Variants in ABI1 observed in about 807,000 individuals in gnomAD.
ABI1 encodes the protein Abelson interactor 1.
Under a neutral mutation model 54.6 loss-of-function variants are expected in ABI1, and 14 were observed. That is an observed-to-expected ratio of 0.26 (90% CI 0.17 to 0.40). The LOEUF is 0.40. ABI1 is among the 10% of genes least tolerant of loss of function. The probability of loss-of-function intolerance (pLI) is 1.00; values close to 1 mark genes in which losing one functional copy is unlikely to be tolerated. For synonymous variants in ABI1, 194 were observed against 209.3 expected (o/e 0.93, Z 0.63); for missense variants, 443 against 598.3 (o/e 0.74, Z 2.71).
At chr10:26,788,994 T>C (rs1441222547) in intron 2 of ABI1, 2 of 151,138 alleles carry the variant, frequency 1.3e-5, no homozygotes, top group South Asian at 4.2e-4. Flanking sequence ...TAAAATTCAT[T>C]TGAGAAAAAA....
At chr10:26,814,836 T>G (rs1390532854) in intron 2 of ABI1, among the ~76,000 whole-genome samples, 1 of 152,148 alleles carries the variant, frequency 6.6e-6, no homozygotes, top group East Asian at 1.9e-4. Context: ...AAAGGGACTC[T>G]TTCCTGAAAT....
chr10:26,776,972 A>C lies in ABI1; in HGVS notation c.462+93T>G. The C allele has an allele frequency of 2.7e-6, 3 of 1,115,556 alleles. 1 individual carries two copies. The highest frequency in any genetic ancestry group is 3.8e-6 in the Non-Finnish European group (3 of 795,394). 69.1% of individuals were successfully genotyped at this position (1,115,556 alleles called of 1,614,324 possible). A position where few individuals can be genotyped will look rare whatever the true frequency, so the allele number is the denominator to read the frequency against. ...AATTATAATGCCAGCTGCTAAAGAG[A>C]ATCTATTAAAATCATCTTTATGACA... is the stretch of plus-strand genomic sequence containing the variant. On this transcript the variant is annotated intron_variant, in intron 3 of 10. Coordinates refer to ENST00000376140, the MANE Select transcript of ABI1 (RefSeq NM_001012750.3).
chr10:26,791,980 T>A lies in ABI1; in HGVS notation c.286-14739A>T, dbSNP rs1425658224. 5.3e-5 allele frequency among the ~76,000 whole-genome samples: 8 copies of A among 152,278 alleles called. No homozygotes were observed. The East Asian group carries it at 1.5e-3, about 29-fold the overall frequency. On this transcript the variant is annotated intron_variant, in intron 2 of 10. Coordinates refer to ENST00000376140, the MANE Select transcript of ABI1 (RefSeq NM_001012750.3). ...TACGGATAAATCTTAGAAATTATAA[T>A]GCTGAATAAAAAAAGCAAGCCATGC...
chr10:26,811,501 T>C (rs1043381957), intron 2 of ABI1, among the ~76,000 whole-genome samples: 1 of 152,158 alleles, frequency 6.6e-6, no homozygotes, highest in South Asian at 2.1e-4. Flanking sequence ...TTACTATTGG[T>C]CCTCAATATT....
chr10:26,759,493 A>G (rs376257969), intron 7 of ABI1, among the ~76,000 whole-genome samples: 49 of 152,324 alleles, frequency 3.2e-4, no homozygotes, highest in African/African-American at 1.2e-3. Flanking sequence ...TTTAAAAACC[A>G]TAATCCCAAA....
intron 2 of ABI1, among the ~76,000 whole-genome samples, chr10:26,800,133 C>T (rs538256896): frequency 5.3e-5 from 8 of 152,206 alleles, no homozygotes; most frequent in Admixed American, 3.9e-4. Flanking sequence ...CCTGTAATCC[C>T]AACACTTTGG....
chr10:26,860,940 C>T lies in ABI1; in HGVS notation c.-77G>A. ...AGGTCCGCCGAGGCTCCGAGCACCT[C>T]ACAGCCCGGATACAAACCGCCTACC... is the stretch of plus-strand genomic sequence containing the variant. On this transcript the variant is annotated 5_prime_UTR_variant, in exon 1 of 11. Transcript: ENST00000376140. The surrounding 1 kb of genome is among the most constrained non-coding windows in gnomAD (Gnocchi z 4.1). 7.4e-7 allele frequency: 1 copy of T among 1,354,174 alleles called. No individual in the cohort carries two copies. The highest frequency in any genetic ancestry group is 1.1e-6 in the Non-Finnish European group (1 of 950,492). 83.9% of individuals were successfully genotyped at this position (1,354,174 alleles called of 1,614,324 possible).
intron 2 of ABI1, among the ~76,000 whole-genome samples, chr10:26,793,732 G>T (rs1328198152): frequency 6.6e-6 from 1 of 152,150 alleles, no homozygotes. Flanking sequence ...CTAAATATGA[G>T]CTTTTAATAG....
rs1294299719 is a variant in ABI1, at chr10:26,748,545, A to T, written c.*25T>A. 1 of 1,554,512 alleles carries T rather than the reference A, an allele frequency of 6.4e-7. No homozygotes were observed. Among genetic ancestry groups the T allele is most frequent in the Non-Finnish European group, 8.8e-7 (1 of 1,141,264 alleles). ...CCCACAGTATGACTGAGTAATAAGA[A>T]TCTACTTCAAAAGAAAAAAAAAAAT... On this transcript the variant is annotated 3_prime_UTR_variant, in exon 11 of 11. Coordinates refer to ENST00000376140, the MANE Select transcript of ABI1 (RefSeq NM_001012750.3).
intron 9 of ABI1, 124 bp downstream of exon 9, chr10:26,755,531 G>T (rs12220461): frequency 0.074 from 53,213 of 722,598 alleles, 2,265 homozygotes; most frequent in Middle Eastern, 0.13. Context: ...TCAGTAACAT[G>T]TCTGCACCTA....
At chr10:26,827,564 T>A (rs2048380925) in intron 1 of ABI1, among the ~76,000 whole-genome samples, 1 of 149,562 alleles carries the variant, frequency 6.7e-6, no homozygotes, top group Non-Finnish European at 1.5e-5. Flanking sequence ...TTTCTCCCTA[T>A]CAGCAATAAG....
chr10:26,816,369 A>C (rs1397677478), intron 2 of ABI1, among the ~76,000 whole-genome samples: 1 of 152,204 alleles, frequency 6.6e-6, no homozygotes, highest in Non-Finnish European at 1.5e-5. Context: ...ATGAAGGCAA[A>C]TGTATTAACA....
At chr10:26,827,192 C>T (rs1362815178) in intron 1 of ABI1, among the ~76,000 whole-genome samples, 5 of 151,588 alleles carry the variant, frequency 3.3e-5, no homozygotes, top group Non-Finnish European at 5.9e-5. Context: ...GGATTACAGG[C>T]GTGAGCCACC....
intron 2 of ABI1, among the ~76,000 whole-genome samples, chr10:26,814,748 A>G (rs2047451103): frequency 6.6e-6 from 1 of 152,196 alleles, no homozygotes; most frequent in Admixed American, 6.5e-5. Flanking sequence ...GGGGGATAAA[A>G]TTGTTAAAAT....
At chr10:26,814,896 G>A (rs900915422) in intron 2 of ABI1, among the ~76,000 whole-genome samples, 2 of 151,952 alleles carry the variant, frequency 1.3e-5, no homozygotes, top group Non-Finnish European at 2.9e-5. Flanking sequence ...GATGATTTTT[G>A]TTTGTTTTAG....
At position 26,747,020 on chromosome 10, in the gene ABI1, T is replaced by C. The variant is rs1837006731; in HGVS notation, c.*1550A>G. ...AAGGTAGCTAGCTGATCACTAATGA[T>C]ACTTTGTTTGTTTAAAATTAACAAA... is the stretch of plus-strand genomic sequence containing the variant. On this transcript the variant is annotated 3_prime_UTR_variant, in exon 11 of 11. Transcript: ENST00000376140. 4.4e-6 allele frequency: 1 copy of C among 227,156 alleles called. No individual in the cohort carries two copies. Among genetic ancestry groups the C allele is most frequent in the Non-Finnish European group, 8.8e-6 (1 of 113,944 alleles). 14.1% of individuals were successfully genotyped at this position (227,156 alleles called of 1,614,324 possible). A position where few individuals can be genotyped will look rare whatever the true frequency, so the allele number is the denominator to read the frequency against.
At chr10:26,790,465 T>C (rs1843279221) in intron 2 of ABI1, 2 of 152,202 alleles carry the variant, frequency 1.3e-5, no homozygotes, top group African/African-American at 2.4e-5. Flanking sequence ...TTCAAGTCCT[T>C]TGCCCACTTT....
Position 26,748,766 on chromosome 10 carries a change from A to C in ABI1, c.1271-21T>G, listed in dbSNP as rs1015739448. The C allele has an allele frequency of 4.4e-6, 7 of 1,582,782 alleles. No individual in the cohort carries two copies. In the Admixed American group the frequency reaches 1.0e-4, roughly 23 times the overall value. On this transcript the variant is annotated intron_variant, in intron 10 of 10. Transcript: ENST00000376140. ...AACAACTATGGAAAAAACAGTTGAA[A>C]TATCACATGAGTGCACTATATCCAA...
intron 3 of ABI1, among the ~76,000 whole-genome samples, 158 bp from the exon 4 acceptor site, chr10:26,771,247 C>T (rs113838732): frequency 4.7e-4 from 71 of 152,262 alleles, no homozygotes; most frequent in African/African-American, 1.7e-3. Flanking sequence ...GAGATCCATA[C>T]GTACTGGGGA....
Sources: gnomAD v4.1 joint callset for allele counts (sites outside exome capture counted in the v4.1 genomes callset) on GRCh38, gnomAD v4.1.1 for gene constraint, Gnocchi (gnomAD v3.1) non-coding constraint, MANE v1.5 for transcripts, NCBI Gene and HGNC (gene_info 2026-07-23, HGNC 2026-07-21) for gene names.